The following LDB3 variants were observed in gnomAD, a reference collection of about 807,000 sequenced individuals.
LDB3 encodes LIM domain-binding protein 3.
A neutral mutation model predicts 69.0 loss-of-function variants in LDB3; 49 were observed. That is an observed-to-expected ratio of 0.71 (90% CI 0.56 to 0.90). The LOEUF is 0.90. Among genes scored for constraint, LDB3 ranks in the 40% least tolerant of loss-of-function variants. The pLI is 0.00. For missense variants in LDB3, 928 were observed against 974.1 expected (o/e 0.95, Z 0.63); for synonymous variants, 387 against 396.2 (o/e 0.98, Z 0.28).
upstream of LDB3, among the ~76,000 whole-genome samples, chr10:86,667,340 G>T (rs888673193): frequency 2.0e-5 from 3 of 152,084 alleles, no homozygotes; most frequent in Non-Finnish European, 4.4e-5. Context: ...CAACCCAGTT[G>T]CCTCCCCTGA....
At chr10:86,670,306 G>A (rs1004311862) in intron 2 of LDB3, among the ~76,000 whole-genome samples, 2 of 152,142 alleles carry the variant, frequency 1.3e-5, no homozygotes, top group South Asian at 2.1e-4. Context: ...GGTGACCTGT[G>A]AGCATGTGAG....
intron 9 of LDB3, 156 bp downstream of exon 9, chr10:86,710,206 A>C: frequency 1.0e-6 from 1 of 985,342 alleles, no homozygotes. Context: ...GCTGTGGGTC[A>C]GAATCCTATG....
intron 7 of LDB3, among the ~76,000 whole-genome samples, chr10:86,701,626 G>A (rs191302461): frequency 1.3e-5 from 2 of 152,334 alleles, no homozygotes; most frequent in South Asian, 2.1e-4. Flanking sequence ...GATCATGTAT[G>A]GTCCAGAGAC....
At position 86,716,657 on chromosome 10, in the gene LDB3, A is replaced by G. The variant is rs535737552; in HGVS notation, c.1562A>G (p.Tyr521Cys). The G allele has an allele frequency of 8.0e-5, 129 of 1,613,966 alleles. 3 individuals are homozygous for G. In the South Asian group the frequency reaches 1.4e-3, roughly 17 times the overall value. The change falls in exon 10 of 14, where the codon TAC (tyrosine) becomes TGC (cysteine). Residue 521 changes from tyrosine (Y) to cysteine (C), a missense_variant. Transcript: ENST00000361373. ...ACCCTGCCCCGGGGAGGCCCAGCCT[A>G]CACCCCAGCGGGTCCTCAGGTGCCA... ...KQTLPRGGPA[Y>C]TPAGPQVPPL... is the part of the protein sequence containing the mutation.
intron 9 of LDB3, 151 bp from the exon 10 acceptor site, chr10:86,716,176 A>G (rs568302823): frequency 1.4e-5 from 12 of 852,716 alleles, no homozygotes; most frequent in East Asian, 2.4e-5. Context: ...TGGGCCATCA[A>G]GAAGTTCAGG....
At chr10:86,725,826 C>T (rs574027082) in intron 12 of LDB3, among the ~76,000 whole-genome samples, 2 of 152,088 alleles carry the variant, frequency 1.3e-5, no homozygotes, top group African/African-American at 2.4e-5. Flanking sequence ...GGGCTTGATC[C>T]GTTTGGTCTA....
intron 11 of LDB3, among the ~76,000 whole-genome samples, 183 bp downstream of exon 11, chr10:86,718,327 A>G (rs973763340): frequency 7.9e-5 from 12 of 152,218 alleles, no homozygotes; most frequent in African/African-American, 2.7e-4. Flanking sequence ...GATGCAAGAG[A>G]TGATTGTGTG....
intron 2 of LDB3, among the ~76,000 whole-genome samples, chr10:86,672,996 C>T (rs1426261131): frequency 1.3e-5 from 2 of 152,232 alleles, no homozygotes; most frequent in Non-Finnish European, 2.9e-5. Flanking sequence ...GCATGGTCCC[C>T]TCTCATCCAG....
chr10:86,672,318 C>A (rs1158361700), intron 2 of LDB3, among the ~76,000 whole-genome samples: 2 of 152,166 alleles, frequency 1.3e-5, no homozygotes, highest in East Asian at 1.9e-4. Context: ...ACCCCGCCTG[C>A]AGGCTCACCT....
intron 5 of LDB3, among the ~76,000 whole-genome samples, chr10:86,689,616 A>G (rs1010218865): frequency 2.0e-5 from 3 of 152,028 alleles, no homozygotes; most frequent in African/African-American, 4.8e-5. Flanking sequence ...AACAGTGTAG[A>G]CCCAGACATT....
At position 86,677,722 on chromosome 10, in the gene LDB3, G is replaced by A. The variant is rs958495200; in HGVS notation, c.94-1645G>A. On this transcript the variant is annotated intron_variant, in intron 2 of 13. Transcript: ENST00000361373. ...GAACTGGCCCCCGCACCTGCACCCT[G>A]CCTTCTGGAGGTATGACATCAACTA... is the stretch of plus-strand genomic sequence containing the variant. Among the ~76,000 whole-genome samples the A allele has an allele frequency of 3.3e-5, 5 of 152,324 alleles. No individual in the cohort carries two copies. In the South Asian group the frequency reaches 1.0e-3, roughly 32 times the overall value.
rs1268403003 is a variant in LDB3 at position 86,709,910 on chromosome 10, A to C, written c.1091A>C (p.Gln364Pro). The change falls in exon 9 of 14, where the codon CAG (glutamine) becomes CCG (proline). Residue 364 changes from glutamine (Q) to proline (P), a missense_variant. Transcript: ENST00000361373. ...ASSPADSPRPQASSYSPAVAA... is the reference protein window; with the variant it reads ...ASSPADSPRPPASSYSPAVAA... ...CCCTCCCCGCTTGGTTCCAGGCCCC[A>C]GGCCTCTTCCTACAGCCCCGCAGTG... 6.2e-7 allele frequency: 1 copy of C among 1,610,530 alleles called. No individual in the cohort carries two copies.
intron 12 of LDB3, among the ~76,000 whole-genome samples, chr10:86,723,130 C>A (rs1440931742): frequency 6.6e-6 from 1 of 151,462 alleles, no homozygotes; most frequent in East Asian, 1.9e-4. Context: ...AGTAGCCGAC[C>A]GTGGTGGTGC....
intron 7 of LDB3, among the ~76,000 whole-genome samples, chr10:86,701,028 C>T (rs78137867): frequency 0.078 from 11,916 of 152,278 alleles, 553 homozygotes; most frequent in African/African-American, 0.095. Flanking sequence ...CCTTCGCAAT[C>T]CCACCAGGAA....
rs377459943 is a variant in LDB3 at position 86,719,920 on chromosome 10, C to A, written c.1978+1073C>A. On this transcript the variant is annotated intron_variant, in intron 12 of 13. Transcript: ENST00000361373. ...GAAGCAGGTTCCAGAAAAGGTAACA[C>A]AGACATGAAGGCTAAGACAGTAGAA... is the stretch of plus-strand genomic sequence containing the variant. 1.2e-4 allele frequency among the ~76,000 whole-genome samples: 18 copies of A among 152,294 alleles called. No homozygotes were observed. The East Asian group carries it at 3.3e-3, about 28-fold the overall frequency.
At chr10:86,692,478 C>G (rs1341480422) in intron 6 of LDB3, 57 bp from the exon 7 acceptor site, 6 of 1,565,436 alleles carry the variant, frequency 3.8e-6, no homozygotes, top group Admixed American at 3.3e-5. Context: ...AGAGCCCCAG[C>G]AGCTTTCCTT....
In LDB3 at chr10:86,691,055, G is replaced by A. The variant is rs117446192; in HGVS notation, c.690-841G>A. ...GTCCCCCGGCCAGGGTGAGTGGGCT[G>A]TAAGGCTTTTGACCATGGCCTGCAC... On this transcript the variant is annotated intron_variant, in intron 5 of 13. Coordinates refer to ENST00000361373, the MANE Select transcript of LDB3 (RefSeq NM_007078.3). Among the ~76,000 whole-genome samples, 1,456 of 152,352 alleles carry A rather than the reference G, an allele frequency of 9.6e-3. 23 individuals are homozygous for A. Among genetic ancestry groups the A allele is most frequent in the South Asian group, 0.081 (392 of 4,822 alleles).
At position 86,680,499 on chromosome 10, in the gene LDB3, C is replaced by T. The variant is rs560775943; in HGVS notation, c.321+342C>T. Among the ~76,000 whole-genome samples, 24 of 152,324 alleles carry T rather than the reference C, an allele frequency of 1.6e-4. 1 individual carries two copies. Among genetic ancestry groups the T allele is most frequent in the African/African-American group, 5.3e-4 (22 of 41,570 alleles). On this transcript the variant is annotated intron_variant, in intron 4 of 13. Transcript: ENST00000361373. ...GCCAGGCAGGGGACGAGCGTCCAGG[C>T]TCTGACCTTCATTTGCCAAGGGGGC... is the stretch of plus-strand genomic sequence containing the variant.
chr10:86,723,046 C>T (rs913193989), intron 12 of LDB3, among the ~76,000 whole-genome samples: 1 of 151,694 alleles, frequency 6.6e-6, no homozygotes, highest in Non-Finnish European at 1.5e-5. Flanking sequence ...GCAGGAGGAC[C>T]CCTTGAGCCC....
Sources: allele counts gnomAD v4.1 joint callset (sites outside exome capture counted in the v4.1 genomes callset), GRCh38; gene constraint gnomAD v4.1.1; transcripts MANE v1.5; gene names NCBI Gene and HGNC (gene_info 2026-07-23, HGNC 2026-07-21).